Variants in RAB38 observed in about 807,000 individuals in gnomAD.
The protein encoded by RAB38 is ras-related protein Rab-38.
A neutral mutation model predicts 18.4 loss-of-function variants in RAB38; 15 were observed. That is an observed-to-expected ratio of 0.82 (90% confidence interval 0.55 to 1.26). The LOEUF (loss-of-function observed/expected upper bound fraction) is 1.26, where lower values mean the gene tolerates loss of function less well. Among genes scored for constraint, RAB38 ranks in the 50% most tolerant of loss-of-function variants. The pLI, the probability that RAB38 is intolerant of heterozygous loss-of-function variation, is 0.00. For synonymous variants in RAB38, 101 were observed against 104.4 expected (o/e 0.97, Z 0.20); for missense variants, 294 against 267.4 (o/e 1.10, Z -0.69).
the RAB38 span, among the ~76,000 whole-genome samples, chr11:87,905,635 C>A: frequency 2.6e-5 from 4 of 151,872 alleles, 1 homozygote; most frequent in Non-Finnish European, 5.9e-5. Flanking sequence ...CAAGGTCTCT[C>A]TATTCTGGCT....
At chr11:88,020,948 G>C in the RAB38 span, among the ~76,000 whole-genome samples, 1 of 151,920 alleles carries the variant, frequency 6.6e-6, no homozygotes, top group Admixed American at 6.6e-5. Context: ...TACAACAAAA[G>C]CAGTATTAAG....
At chr11:88,135,210 C>T (rs866223065) in intron 2 of RAB38, among the ~76,000 whole-genome samples, 2 of 152,164 alleles carry the variant, frequency 1.3e-5, no homozygotes, top group African/African-American at 2.4e-5. Context: ...GTTACATATG[C>T]CACGCAAGCT....
the RAB38 span, among the ~76,000 whole-genome samples, chr11:87,833,512 C>A: frequency 2.6e-5 from 4 of 152,168 alleles, no homozygotes; most frequent in African/African-American, 9.7e-5. Flanking sequence ...AGAGTCTCCC[C>A]CTTCATAATG....
intron 2 of RAB38, among the ~76,000 whole-genome samples, chr11:88,135,345 T>C (rs571521746): frequency 6.6e-6 from 1 of 152,234 alleles, no homozygotes; most frequent in Non-Finnish European, 1.5e-5. Flanking sequence ...AGGGATTTTA[T>C]CTATTTTGTC....
the RAB38 span, among the ~76,000 whole-genome samples, chr11:88,052,987 TTG>T: frequency 3.0e-4 from 34 of 114,760 alleles, no homozygotes; most frequent in African/African-American, 9.7e-4. Context: ...TATATATATG[TTG>T]TGTGTGTATA....
the RAB38 span, among the ~76,000 whole-genome samples, chr11:87,906,774 A>G: frequency 6.6e-6 from 1 of 151,768 alleles, no homozygotes; most frequent in African/African-American, 2.4e-5. Flanking sequence ...TAGCTTCTTC[A>G]TGTTTATGGA....
chr11:87,816,392 AT>A, the RAB38 span: 3 of 152,210 alleles, frequency 2.0e-5, no homozygotes, highest in African/African-American at 7.3e-5. Flanking sequence ...TTTTTAATTT[AT>A]TTGGGAGGTA....
At chr11:88,045,566 G>T in the RAB38 span, among the ~76,000 whole-genome samples, 4 of 152,192 alleles carry the variant, frequency 2.6e-5, no homozygotes, top group Non-Finnish European at 5.9e-5. Flanking sequence ...AAATTGGACT[G>T]TTCAACTCAC....
At chr11:88,073,937 G>A in the RAB38 span, among the ~76,000 whole-genome samples, 1 of 151,228 alleles carries the variant, frequency 6.6e-6, no homozygotes, top group Non-Finnish European at 1.5e-5. Flanking sequence ...ACACAGCAGA[G>A]AGAAAAATCA....
the RAB38 span, among the ~76,000 whole-genome samples, chr11:87,891,645 C>T: frequency 6.6e-6 from 1 of 151,694 alleles, no homozygotes; most frequent in Non-Finnish European, 1.5e-5. Context: ...TCTTCTCATC[C>T]CAGTGAATAG....
chr11:88,047,149 C>G, the RAB38 span, among the ~76,000 whole-genome samples: 1 of 152,158 alleles, frequency 6.6e-6, no homozygotes, highest in Non-Finnish European at 1.5e-5. Context: ...TTCCTCACAC[C>G]TGACACATAT....
the RAB38 span, among the ~76,000 whole-genome samples, chr11:88,021,563 AATTTATTTATTTATTT>A: frequency 0.54 from 76,517 of 141,588 alleles, 21,252 homozygotes; most frequent in Non-Finnish European, 0.59. Flanking sequence ...AGAGAAAGAT[AATTTATTTATTTATTT>A]ATTTATTTAT....
At chr11:87,892,011 A>G in the RAB38 span, among the ~76,000 whole-genome samples, 1 of 151,790 alleles carries the variant, frequency 6.6e-6, no homozygotes, top group Non-Finnish European at 1.5e-5. Context: ...GGCATAATTT[A>G]TATATCTTTT....
At chr11:87,887,686 G>A in the RAB38 span, among the ~76,000 whole-genome samples, 2 of 151,914 alleles carry the variant, frequency 1.3e-5, no homozygotes, top group African/African-American at 2.4e-5. Context: ...AAAACATGAT[G>A]TTATTCATGT....
At chr11:88,045,265 C>T in the RAB38 span, among the ~76,000 whole-genome samples, 1 of 152,202 alleles carries the variant, frequency 6.6e-6, no homozygotes, top group Non-Finnish European at 1.5e-5. Flanking sequence ...AACCCCACAA[C>T]AGGACTTAAT....
the RAB38 span, among the ~76,000 whole-genome samples, chr11:87,919,640 T>C: frequency 6.6e-6 from 1 of 152,040 alleles, no homozygotes; most frequent in Non-Finnish European, 1.5e-5. Context: ...AAGCGTTCTT[T>C]CCTCTTCTGT....
chr11:88,159,887 C>A (rs1943169898), intron 1 of RAB38, among the ~76,000 whole-genome samples: 1 of 151,968 alleles, frequency 6.6e-6, no homozygotes, highest in African/African-American at 2.4e-5. Flanking sequence ...TAGAAGAAAA[C>A]CTAGGAAACG....
chr11:87,851,320 G>A, the RAB38 span, among the ~76,000 whole-genome samples: 1 of 152,186 alleles, frequency 6.6e-6, no homozygotes, highest in Non-Finnish European at 1.5e-5. Flanking sequence ...TGACATGGCA[G>A]TTAATAAAAA....
chr11:87,894,760 A>G, the RAB38 span, among the ~76,000 whole-genome samples: 13,668 of 149,602 alleles, frequency 0.091, 933 homozygotes, highest in Admixed American at 0.22. Context: ...TATACATTAT[A>G]TATCATATAT....
Sources: gnomAD v4.1 joint callset for allele counts (sites outside exome capture counted in the v4.1 genomes callset) on GRCh38, gnomAD v4.1.1 for gene constraint, MANE v1.5 for transcripts, NCBI Gene and HGNC (gene_info 2026-07-23, HGNC 2026-07-21) for gene names.